ZNF254: variants seen among roughly 807,000 people sequenced by gnomAD.
ZNF254 encodes the protein CTD-2017D11.1.
In ZNF254, 10 loss-of-function variants were observed where a neutral mutation model predicts 12.4. The ratio of observed to expected loss-of-function variants is 0.80; its 90% CI spans 0.50 to 1.36. ZNF254 has a LOEUF of 1.36. Ranked by LOEUF, ZNF254 falls within the 40% of genes most tolerant of loss-of-function variation. The pLI, the probability that ZNF254 is intolerant of heterozygous loss-of-function variation, is 0.00. For synonymous variants in ZNF254, 305 were observed against 253.4 expected (o/e 1.20, Z -1.93); for missense variants, 996 against 763.9 (o/e 1.30, Z -3.58).
At position 24,127,672 on chromosome 19, in the gene ZNF254, T is replaced by A. The variant is rs768934539; in HGVS notation, c.1672T>A (p.Ser558Thr). ...CEKCGKAFKQ[S>T]SILTNHKRIH... is the part of the protein sequence containing the mutation. ...AAAATGTGGCAAAGCCTTTAAGCAG[T>A]CTTCAATCCTTACTAACCATAAGAG... Residue 558 changes from serine to threonine, a missense_variant, in exon 4 of 4, where the codon TCT becomes ACT. Coordinates refer to ENST00000357002, the MANE Select transcript of ZNF254 (RefSeq NM_203282.4). The A allele has an allele frequency of 6.2e-7, 1 of 1,613,350 alleles. No homozygotes were observed. The highest frequency in any genetic ancestry group is 1.3e-5 in the African/African-American group (1 of 74,898).
At chr19:24,053,814 C>T (rs1040259806) in intron 2 of ZNF254, among the ~76,000 whole-genome samples, 1 of 152,140 alleles carries the variant, frequency 6.6e-6, no homozygotes, top group Non-Finnish European at 1.5e-5. Flanking sequence ...TCTATCTGGG[C>T]CCTGCCAAAA....
At chr19:24,083,724 T>C (rs1431109690), upstream of ZNF254, among the ~76,000 whole-genome samples, 1 of 152,100 alleles carries the variant, frequency 6.6e-6, no homozygotes, top group African/African-American at 2.4e-5. Context: ...CTAACGTAGA[T>C]AAAAATGCTC....
At chr19:24,045,488 T>TG (rs1451056293) in intron 1 of ZNF254, among the ~76,000 whole-genome samples, 7 of 151,706 alleles carry the variant, frequency 4.6e-5, no homozygotes, top group Non-Finnish European at 1.0e-4. Context: ...GCTAACATGG[T>TG]GAAACCCCGT....
intron 3 of ZNF254, among the ~76,000 whole-genome samples, chr19:24,113,328 C>A (rs550390750): frequency 1.4e-4 from 22 of 152,264 alleles, no homozygotes; most frequent in African/African-American, 2.2e-4. Flanking sequence ...AAAAGCTTAT[C>A]CACCATGATC....
intron 2 of ZNF254, among the ~76,000 whole-genome samples, chr19:24,068,899 T>C (rs1262378527): frequency 6.6e-6 from 1 of 152,188 alleles, no homozygotes; most frequent in East Asian, 1.9e-4. Context: ...TAGTCTCCTC[T>C]TTTTGCCAAG....
intron 1 of ZNF254, among the ~76,000 whole-genome samples, chr19:24,092,464 C>T (rs993555881): frequency 6.6e-6 from 1 of 152,122 alleles, no homozygotes; most frequent in Non-Finnish European, 1.5e-5. Flanking sequence ...TGAGCCATCA[C>T]GCTGGGCCAA....
intron 1 of ZNF254, among the ~76,000 whole-genome samples, chr19:24,035,938 C>G (rs971119042): frequency 6.6e-6 from 1 of 152,184 alleles, no homozygotes; most frequent in East Asian, 1.9e-4. Flanking sequence ...CTGCTCTTAC[C>G]TGCCCACTTC....
intron 2 of ZNF254, among the ~76,000 whole-genome samples, chr19:24,052,929 C>T (rs1291814483): frequency 6.6e-6 from 1 of 152,080 alleles, no homozygotes; most frequent in Non-Finnish European, 1.5e-5. Flanking sequence ...GTATGAAGGT[C>T]ATAAAGAATT....
intron 1 of ZNF254, among the ~76,000 whole-genome samples, chr19:24,101,894 C>G (rs1385042847): frequency 6.6e-6 from 1 of 152,208 alleles, no homozygotes; most frequent in Non-Finnish European, 1.5e-5. Context: ...TGTTCCTCCC[C>G]TCATGCAAGA....
At chr19:24,065,961 C>G (rs1971255315) in intron 2 of ZNF254, 1 of 152,058 alleles carries the variant, frequency 6.6e-6, no homozygotes, top group South Asian at 2.1e-4. Context: ...GATCTCTGCT[C>G]ACAGAGAAAT....
chr19:24,084,398 TC>T (rs1971952555), upstream of ZNF254, among the ~76,000 whole-genome samples: 1 of 151,850 alleles, frequency 6.6e-6, no homozygotes, highest in Non-Finnish European at 1.5e-5. Context: ...CTGTGGGTAC[TC>T]AGTGGCAAGG....
intron 1 of ZNF254, among the ~76,000 whole-genome samples, chr19:24,091,556 A>T (rs1972385763): frequency 6.6e-6 from 1 of 152,072 alleles, no homozygotes; most frequent in Non-Finnish European, 1.5e-5. Context: ...GCAATGGTGC[A>T]ATCTTAGCTC....
intron 1 of ZNF254, among the ~76,000 whole-genome samples, chr19:24,087,544 C>T (rs960544189): frequency 2.0e-5 from 3 of 152,168 alleles, no homozygotes; most frequent in African/African-American, 7.2e-5. Flanking sequence ...AGTGACTGTG[C>T]CCTGTCCTGG....
rs74175785 is a variant in ZNF254, at chr19:24,088,964, CTTTTTTTTTTTTTTTT to C, written c.30+1641_30+1656del. Reference sequence around the variant, plus strand: ...GAGCCATCTCGCCTGGCCAATTAATCTTTTTTTTTTTTTTTTTTTTTTTTTTTTTGAGACAGAGTTT... The same window carrying C: ...GAGCCATCTCGCCTGGCCAATTAATCTTTTTTTTTTTTTGAGACAGAGTTT... On this transcript the variant is annotated intron_variant, in intron 1 of 3. Transcript: ENST00000357002. 3.3e-4 allele frequency among the ~76,000 whole-genome samples: 33 copies of C among 99,288 alleles called. 1 individual carries two copies. Among genetic ancestry groups the C allele is most frequent in the South Asian group, 1.3e-3 (4 of 3,110 alleles). The allele number at this position is 99,288 out of a possible 152,430, so 65.1% of individuals were successfully genotyped here.
chr19:24,113,129 T>G (rs1314642553), intron 3 of ZNF254, among the ~76,000 whole-genome samples: 1 of 152,226 alleles, frequency 6.6e-6, no homozygotes, highest in Non-Finnish European at 1.5e-5. Context: ...CCATTCCTTC[T>G]GAAACTATTC....
At chr19:24,056,792 A>T (rs1202001916) in intron 2 of ZNF254, among the ~76,000 whole-genome samples, 1 of 152,166 alleles carries the variant, frequency 6.6e-6, no homozygotes, top group Non-Finnish European at 1.5e-5. Flanking sequence ...ATGTGACTGT[A>T]CTGTCTGTGC....
intron 2 of ZNF254, chr19:24,046,393 A>ATATATATATATATATG (rs1970391805): frequency 6.9e-6 from 1 of 145,426 alleles, no homozygotes; most frequent in Admixed American, 6.9e-5. Context: ...ATATATATAT[A>ATATATATATATATATG]TATATATGTG....
chr19:24,096,611 G>T (rs1049318253), intron 1 of ZNF254, among the ~76,000 whole-genome samples: 5 of 152,130 alleles, frequency 3.3e-5, no homozygotes, highest in African/African-American at 4.8e-5. Flanking sequence ...GTGCCACATG[G>T]TGATGAGAAC....
At position 24,113,785 on chromosome 19, in the gene ZNF254, C is replaced by A. The variant is rs186444186; in HGVS notation, c.253+7142C>A. 7.3e-4 allele frequency among the ~76,000 whole-genome samples: 111 copies of A among 152,176 alleles called. 1 individual carries two copies. The highest frequency in any genetic ancestry group is 3.4e-3 in the Middle Eastern group (1 of 294). On this transcript the variant is annotated intron_variant, in intron 3 of 3. Coordinates refer to ENST00000357002, the MANE Select transcript of ZNF254 (RefSeq NM_203282.4). ...TGACATGATTGTATACCTAGAAAAC[C>A]CCATTGTCTCAACCCAAAATCTCCT... is the stretch of plus-strand genomic sequence containing the variant.
Sources: gnomAD v4.1 joint callset for allele counts (sites outside exome capture counted in the v4.1 genomes callset) on GRCh38, gnomAD v4.1.1 for gene constraint, MANE v1.5 for transcripts, NCBI Gene and HGNC (gene_info 2026-07-23, HGNC 2026-07-21) for gene names.